ATP2B2: variants seen among roughly 807,000 people sequenced by gnomAD.
The protein encoded by ATP2B2 is plasma membrane calcium-transporting ATPase 2.
A neutral mutation model predicts 120.0 loss-of-function variants in ATP2B2; 15 were observed. The observed-to-expected ratio is 0.12, with a 90% confidence interval of 0.08 to 0.19. The LOEUF (loss-of-function observed/expected upper bound fraction) is 0.19. ATP2B2 is among the 10% of genes least tolerant of loss of function. The pLI, the probability that ATP2B2 is intolerant of heterozygous loss-of-function variation, is 1.00. For missense variants in ATP2B2, 1,045 were observed against 1,719.8 expected, an observed-to-expected ratio of 0.61 and a Z score of 6.94; for synonymous variants, 694 against 700.3, an observed-to-expected ratio of 0.99 and a Z score of 0.14.
At chr3:10,425,593 C>T (rs1176168835) in intron 2 of ATP2B2, among the ~76,000 whole-genome samples, 1 of 152,178 alleles carries the variant, frequency 6.6e-6, no homozygotes, top group African/African-American at 2.4e-5. Context: ...ACGCGCCGGG[C>T]ACACGGTAGG....
intron 1 of ATP2B2, among the ~76,000 whole-genome samples, chr3:10,491,904 C>T (rs1298040297): frequency 6.6e-6 from 1 of 152,184 alleles, no homozygotes; most frequent in Admixed American, 6.5e-5. Context: ...GTGCTGTCAA[C>T]TGCAAGACAT....
chr3:10,669,458 C>T (rs1163064404), intron 1 of ATP2B2, among the ~76,000 whole-genome samples: 8 of 152,148 alleles, frequency 5.3e-5, no homozygotes, highest in African/African-American at 1.4e-4. Flanking sequence ...CCTCCCTGAA[C>T]GCTGTGTTTG....
At chr3:10,690,208 G>T (rs1030287379) in intron 1 of ATP2B2, among the ~76,000 whole-genome samples, 2 of 152,200 alleles carry the variant, frequency 1.3e-5, no homozygotes, top group African/African-American at 2.4e-5. Context: ...CATAGGGGGG[G>T]ACAAACTGCT....
Position 10,342,870 on chromosome 3 carries a change from G to C in ATP2B2, c.2799C>G (p.Thr933=). 6.2e-7 allele frequency: 1 copy of C among 1,614,120 alleles called. No homozygotes were observed. The highest frequency in any genetic ancestry group is 1.1e-5 in the South Asian group (1 of 91,066). The change falls in exon 19 of 23, where the codon ACC becomes ACG. Residue 933 remains threonine (T), a synonymous_variant. Transcript: ENST00000360273. The surrounding 1 kb of genome is among the most constrained non-coding windows in gnomAD (Gnocchi z 4.4). The part of the protein sequence containing the change: ...LALATEPPTE[T]LLLRKPYGRN... ...GGCCGTACGGCTTCCTCAGCAGCAG[G>C]GTCTCCGTGGGCGGCTCAGTGGCCA...
intron 12 of ATP2B2, among the ~76,000 whole-genome samples, chr3:10,371,605 A>G (rs1384598572): frequency 6.6e-6 from 1 of 152,216 alleles, no homozygotes; most frequent in Non-Finnish European, 1.5e-5. Flanking sequence ...ATAATTAACA[A>G]TAAAGGTTTC....
At chr3:10,515,916 CGTAA>C (rs1559433671) in intron 3 of ATP2B2, among the ~76,000 whole-genome samples, 1 of 152,156 alleles carries the variant, frequency 6.6e-6, no homozygotes, top group Admixed American at 6.5e-5. Context: ...ACAAGCAGGA[CGTAA>C]GTATCTCCAT....
intron 1 of ATP2B2, among the ~76,000 whole-genome samples, chr3:10,471,742 T>C (rs2065012734): frequency 6.6e-6 from 1 of 152,076 alleles, no homozygotes; most frequent in Non-Finnish European, 1.5e-5. Context: ...CAAAGCATCA[T>C]ATTGTCCCCC....
At chr3:10,536,170 A>T (rs191830097) in intron 2 of ATP2B2, among the ~76,000 whole-genome samples, 38 of 151,362 alleles carry the variant, frequency 2.5e-4, no homozygotes, top group Non-Finnish European at 4.9e-4. Flanking sequence ...ATCTATATAT[A>T]CTCTTTGTTG....
chr3:10,624,270 T>C (rs560925954), intron 1 of ATP2B2, among the ~76,000 whole-genome samples: 1 of 152,218 alleles, frequency 6.6e-6, no homozygotes, highest in Non-Finnish European at 1.5e-5. Flanking sequence ...CATTCAGAGA[T>C]TTAGTAAGTC....
intron 14 of ATP2B2, among the ~76,000 whole-genome samples, chr3:10,358,168 G>A (rs1168347595): frequency 6.6e-6 from 1 of 152,214 alleles, no homozygotes; most frequent in Non-Finnish European, 1.5e-5. Flanking sequence ...TCCTAGGCCA[G>A]CTTGCTGGGG....
chr3:10,358,783 T>C lies in ATP2B2; in HGVS notation c.2044A>G (p.Ser682Gly). ...TCATTGTCCCAGTCCGGCTCCGGGC[T>C]GCTGGGGAAGTCGCGGTAGGCCACG... ...ICVAYRDFPS[S>G]PEPDWDNEND... The change falls in exon 14 of 23, where the codon AGC (serine) becomes GGC (glycine). Residue 682 changes from serine (S) to glycine (G), a missense_variant. Transcript: ENST00000360273. The C allele has an allele frequency of 2.5e-6, 4 of 1,614,252 alleles. No individual in the cohort carries two copies. Among genetic ancestry groups the C allele is most frequent in the Non-Finnish European group, 3.4e-6 (4 of 1,180,046 alleles).
At chr3:10,393,021 C>A (rs1005002367) in intron 5 of ATP2B2, among the ~76,000 whole-genome samples, 1 of 152,232 alleles carries the variant, frequency 6.6e-6, no homozygotes, top group African/African-American at 2.4e-5. Flanking sequence ...CAGTCCTTCA[C>A]TTGACGGACA....
chr3:10,454,053 A>T (rs991395438), intron 1 of ATP2B2, among the ~76,000 whole-genome samples: 1 of 148,646 alleles, frequency 6.7e-6, no homozygotes, highest in Non-Finnish European at 1.5e-5. Flanking sequence ...TCATCCATCC[A>T]TCCATCCACT....
In ATP2B2 at chr3:10,502,255, C is replaced by T. The variant is rs950890200; in HGVS notation, c.-320+3210G>A. ...CTGATCCTGATGCCAATCACACCTT[C>T]GTGCACAGCCCTCTACAGTGTCCAG... On this transcript the variant is annotated intron_variant, in intron 1 of 22. Transcript: ENST00000360273. Among the ~76,000 whole-genome samples the T allele has an allele frequency of 5.3e-5, 8 of 152,230 alleles. No individual in the cohort carries two copies. In the East Asian group the frequency reaches 9.6e-4, roughly 18 times the overall value.
intron 2 of ATP2B2, among the ~76,000 whole-genome samples, chr3:10,576,926 T>G (rs961904452): frequency 3.3e-5 from 5 of 151,350 alleles, no homozygotes; most frequent in Non-Finnish European, 7.4e-5. Flanking sequence ...TGGTGGCGGG[T>G]GCCTGTAGTC....
chr3:10,659,200 A>G (rs568941188), intron 1 of ATP2B2, among the ~76,000 whole-genome samples: 22 of 152,340 alleles, frequency 1.4e-4, no homozygotes, highest in African/African-American at 4.8e-4. Context: ...TGAGCAAAAT[A>G]ACCAGCTAAC....
chr3:10,336,235 C>G (rs951509551), intron 22 of ATP2B2: 2 of 1,550,464 alleles, frequency 1.3e-6, no homozygotes, highest in Admixed American at 3.9e-5. Flanking sequence ...GGCTGGTGAC[C>G]GAGGACTGTC....
chr3:10,668,682 T>C (rs1323147870), intron 1 of ATP2B2, among the ~76,000 whole-genome samples: 1 of 151,436 alleles, frequency 6.6e-6, no homozygotes, highest in Non-Finnish European at 1.5e-5. Flanking sequence ...AAACTCCCAA[T>C]CCCTCGGTCC....
At chr3:10,628,532 G>C (rs1354335059) in intron 1 of ATP2B2, among the ~76,000 whole-genome samples, 1 of 152,244 alleles carries the variant, frequency 6.6e-6, no homozygotes, top group Admixed American at 6.5e-5. Context: ...TACACCCGGA[G>C]GCAGGCCTCA....
Sources: gnomAD v4.1 joint callset for allele counts (sites outside exome capture counted in the v4.1 genomes callset) on GRCh38, gnomAD v4.1.1 for gene constraint, Gnocchi (gnomAD v3.1) non-coding constraint, MANE v1.5 for transcripts, NCBI Gene and HGNC (gene_info 2026-07-23, HGNC 2026-07-21) for gene names.